SOX5: variants seen among roughly 807,000 people sequenced by gnomAD.
SOX5 encodes transcription factor SOX-5.
Under a neutral mutation model 92.0 loss-of-function variants are expected in SOX5, and 9 were observed. The observed-to-expected ratio is 0.10, with a 90% CI of 0.06 to 0.17. SOX5 has a LOEUF of 0.17. Among genes scored for constraint, SOX5 ranks in the 10% least tolerant of loss-of-function variants. The pLI is 1.00. For synonymous variants in SOX5, 344 were observed against 336.3 expected (o/e 1.02, Z -0.25); for missense variants, 642 against 944.5 (o/e 0.68, Z 4.20).
At chr12:23,548,383 T>G (rs1457292460) in intron 11 of SOX5, among the ~76,000 whole-genome samples, 1 of 152,028 alleles carries the variant, frequency 6.6e-6, no homozygotes, top group African/African-American at 2.4e-5. Flanking sequence ...CCACCACTAA[T>G]GCACCCAATA....
At chr12:23,956,684 C>CTT (rs34173854) in intron 4 of SOX5, among the ~76,000 whole-genome samples, 26 of 149,448 alleles carry the variant, frequency 1.7e-4, no homozygotes, top group Non-Finnish European at 3.4e-4. Flanking sequence ...TTGCCTAAGT[C>CTT]TTTTTTTTTT....
At chr12:24,497,621 C>A (rs1947775041) in intron 1 of SOX5, among the ~76,000 whole-genome samples, 1 of 152,128 alleles carries the variant, frequency 6.6e-6, no homozygotes, top group South Asian at 2.1e-4. Context: ...TCAATTCAAC[C>A]ATTGTGGAAG....
At chr12:24,151,767 C>T (rs1951678989) in intron 4 of SOX5, among the ~76,000 whole-genome samples, 1 of 152,098 alleles carries the variant, frequency 6.6e-6, no homozygotes, top group Non-Finnish European at 1.5e-5. Flanking sequence ...AAACTTCTCA[C>T]TGCAGTTCTT....
intron 4 of SOX5, among the ~76,000 whole-genome samples, chr12:23,741,266 T>C (rs747625874): frequency 2.0e-5 from 3 of 152,184 alleles, no homozygotes; most frequent in Non-Finnish European, 4.4e-5. Flanking sequence ...AGATAGTACA[T>C]TGGACTTCAA....
At chr12:24,322,537 T>G (rs1463117382) in intron 2 of SOX5, among the ~76,000 whole-genome samples, 2 of 152,180 alleles carry the variant, frequency 1.3e-5, no homozygotes, top group African/African-American at 4.8e-5. Flanking sequence ...TAGTATAGAT[T>G]GCTCTTACAG....
chr12:23,693,433 T>C (rs986338310), intron 6 of SOX5, among the ~76,000 whole-genome samples: 2 of 152,168 alleles, frequency 1.3e-5, no homozygotes, highest in African/African-American at 4.8e-5. Flanking sequence ...CCTGGTTTTA[T>C]TTTTAATTAA....
chr12:23,652,517 G>GTTTTTTTTGT (rs2081723985), intron 7 of SOX5, among the ~76,000 whole-genome samples: 3 of 140,084 alleles, frequency 2.1e-5, no homozygotes, highest in African/African-American at 8.0e-5. Flanking sequence ...CTCTTCTACT[G>GTTTTTTTTGT]TTTTTTTTTT....
intron 4 of SOX5, among the ~76,000 whole-genome samples, chr12:24,101,568 T>C (rs766705429): frequency 1.8e-4 from 27 of 152,292 alleles, no homozygotes; most frequent in Non-Finnish European, 3.7e-4. Flanking sequence ...TCCAGACACA[T>C]AGTAGATACT....
At chr12:24,172,471 C>T (rs1002747253) in intron 4 of SOX5, among the ~76,000 whole-genome samples, 22 of 151,882 alleles carry the variant, frequency 1.4e-4, no homozygotes, top group African/African-American at 4.8e-4. Flanking sequence ...CCCAGGAAGT[C>T]GAGGCTGCAG....
chr12:24,341,925 G>T (rs1952622078), intron 2 of SOX5, among the ~76,000 whole-genome samples: 1 of 152,150 alleles, frequency 6.6e-6, no homozygotes, highest in Admixed American at 6.5e-5. Flanking sequence ...ACTAAGGGTG[G>T]TGGTAGCTTC....
chr12:24,315,687 T>G (rs1949634511), intron 2 of SOX5, among the ~76,000 whole-genome samples: 1 of 152,300 alleles, frequency 6.6e-6, no homozygotes, highest in East Asian at 1.9e-4. Flanking sequence ...TGAAAGTTTC[T>G]TTTTAAATAG....
intron 5 of SOX5, among the ~76,000 whole-genome samples, chr12:23,739,222 A>G (rs558526284): frequency 1.3e-5 from 2 of 152,154 alleles, no homozygotes; most frequent in African/African-American, 4.8e-5. Context: ...GAGGAAAAGG[A>G]CTTAGCCATG....
intron 14 of SOX5, among the ~76,000 whole-genome samples, 175 bp downstream of exon 14, chr12:23,536,278 G>T (rs1565604792): frequency 6.6e-6 from 1 of 152,130 alleles, no homozygotes; most frequent in Admixed American, 6.5e-5. Context: ...AACTTGCAGT[G>T]GATTCATATG....
At chr12:23,867,697 C>T (rs943254494) in intron 2 of SOX5, among the ~76,000 whole-genome samples, 1 of 151,912 alleles carries the variant, frequency 6.6e-6, no homozygotes, top group Non-Finnish European at 1.5e-5. Flanking sequence ...TGGGTTGGAT[C>T]TATCCCCATA....
chr12:24,060,319 G>C (rs1162522256), intron 4 of SOX5, among the ~76,000 whole-genome samples: 1 of 152,144 alleles, frequency 6.6e-6, no homozygotes, highest in Non-Finnish European at 1.5e-5. Flanking sequence ...CACAGAGCTA[G>C]GAAGTGGTGG....
At chr12:23,999,177 T>TGTGTGTGTGTGTGTGC (rs1569452779) in intron 4 of SOX5, among the ~76,000 whole-genome samples, 3 of 139,890 alleles carry the variant, frequency 2.1e-5, no homozygotes, top group African/African-American at 8.5e-5. Flanking sequence ...TGTGTGTGTG[T>TGTGTGTGTGTGTGTGC]ACCATTGCTT....
intron 4 of SOX5, among the ~76,000 whole-genome samples, chr12:24,007,156 T>A (rs571624609): frequency 0.095 from 4,418 of 46,736 alleles, 821 homozygotes; most frequent in Non-Finnish European, 0.15. Flanking sequence ...TATATATATA[T>A]ATATACATTT....
intron 4 of SOX5, among the ~76,000 whole-genome samples, chr12:24,140,218 C>T (rs373515076): frequency 6.6e-6 from 1 of 151,818 alleles, no homozygotes. Context: ...ATACATACAC[C>T]GTCAAAGATA....
chr12:24,312,547 G>A (rs1272419642), intron 2 of SOX5, among the ~76,000 whole-genome samples: 1 of 152,128 alleles, frequency 6.6e-6, no homozygotes, highest in Non-Finnish European at 1.5e-5. Flanking sequence ...TCAGGATCAC[G>A]TTTACAGCCC....
Sources: allele counts gnomAD v4.1 joint callset (sites outside exome capture counted in the v4.1 genomes callset), GRCh38; gene constraint gnomAD v4.1.1; transcripts MANE v1.5; gene names NCBI Gene and HGNC (gene_info 2026-07-23, HGNC 2026-07-21).